Variants in CEP128 observed in about 807,000 individuals in gnomAD.
CEP128 encodes centrosomal protein 128.
CEP128 carries 132 observed loss-of-function variants against 156.7 expected under a neutral mutation model. The ratio of observed to expected loss-of-function variants is 0.84; its 90% confidence interval spans 0.73 to 0.97. CEP128 has a LOEUF of 0.97. Among genes scored for constraint, CEP128 ranks in the 50% least tolerant of loss-of-function variants. The pLI, the probability that CEP128 is intolerant of heterozygous loss-of-function variation, is 0.00. For missense variants in CEP128, 1,252 were observed against 1,281.9 expected (o/e 0.98, Z 0.36); for synonymous variants, 469 against 448.9 (o/e 1.04, Z -0.57).
intron 17 of CEP128, among the ~76,000 whole-genome samples, chr14:80,758,245 G>A (rs1899766938): frequency 6.6e-6 from 1 of 152,174 alleles, no homozygotes; most frequent in Non-Finnish European, 1.5e-5. Context: ...TAACCTGCCA[G>A]GCATGGTGGC....
At chr14:80,587,060 A>G (rs911400139) in intron 19 of CEP128, among the ~76,000 whole-genome samples, 5 of 151,992 alleles carry the variant, frequency 3.3e-5, no homozygotes, top group African/African-American at 1.2e-4. Flanking sequence ...TTTTTTTTAA[A>G]TCACCCTTAA....
chr14:80,937,871 T>C (rs547934271), intron 2 of CEP128, among the ~76,000 whole-genome samples: 1 of 151,654 alleles, frequency 6.6e-6, no homozygotes, highest in African/African-American at 2.4e-5. Flanking sequence ...AGGTCCCCCA[T>C]CCAGCTCTAA....
At chr14:80,708,125 A>G (rs1897284928) in intron 19 of CEP128, among the ~76,000 whole-genome samples, 1 of 151,974 alleles carries the variant, frequency 6.6e-6, no homozygotes, top group African/African-American at 2.4e-5. Context: ...CACGTCCCCT[A>G]TGGACATTTG....
intron 15 of CEP128, among the ~76,000 whole-genome samples, chr14:80,782,858 C>T (rs1001894211): frequency 6.6e-6 from 1 of 152,152 alleles, no homozygotes; most frequent in South Asian, 2.1e-4. Context: ...GTTTCCAAGA[C>T]ATCATTCTCT....
intron 17 of CEP128, among the ~76,000 whole-genome samples, chr14:80,759,856 G>C (rs1339951652): frequency 6.6e-6 from 1 of 151,792 alleles, no homozygotes; most frequent in Non-Finnish European, 1.5e-5. Context: ...GCCTGCAATT[G>C]CCCATAACAA....
intron 13 of CEP128, among the ~76,000 whole-genome samples, chr14:80,812,880 T>C (rs1037071236): frequency 2.0e-5 from 3 of 151,966 alleles, no homozygotes; most frequent in African/African-American, 7.2e-5. Context: ...GTCTGTTTGT[T>C]TGTTTTTTTA....
intron 2 of CEP128, among the ~76,000 whole-genome samples, chr14:80,951,907 C>A (rs1886473991): frequency 6.6e-6 from 1 of 151,758 alleles, no homozygotes; most frequent in Non-Finnish European, 1.5e-5. Context: ...ATAAAGAAGG[C>A]CATTTAATAA....
chr14:80,641,703 T>C (rs1894415834), intron 19 of CEP128, among the ~76,000 whole-genome samples: 1 of 152,154 alleles, frequency 6.6e-6, no homozygotes, highest in Non-Finnish European at 1.5e-5. Flanking sequence ...TTTTTTCTCC[T>C]TACTCAAGAC....
At chr14:80,905,316 A>G (rs1179604997) in intron 5 of CEP128, among the ~76,000 whole-genome samples, 1 of 152,166 alleles carries the variant, frequency 6.6e-6, no homozygotes, top group Non-Finnish European at 1.5e-5. Context: ...TCTGAACAGC[A>G]TATAAAAATA....
intron 19 of CEP128, among the ~76,000 whole-genome samples, chr14:80,596,053 GA>G (rs55831009): frequency 0.46 from 50,495 of 108,790 alleles, 10,055 homozygotes; most frequent in African/African-American, 0.57. Context: ...TATCAGCAGG[GA>G]AAAAAAAAAA....
chr14:80,948,161 ACT>A (rs1332823311), intron 2 of CEP128, among the ~76,000 whole-genome samples: 1 of 152,152 alleles, frequency 6.6e-6, no homozygotes, highest in Non-Finnish European at 1.5e-5. Context: ...GGTGAAATTC[ACT>A]CTCTTTACAT....
intron 20 of CEP128, among the ~76,000 whole-genome samples, chr14:80,563,052 A>C (rs1890755598): frequency 1.3e-5 from 2 of 152,162 alleles, no homozygotes; most frequent in Admixed American, 6.5e-5. Context: ...ACAACAAAAT[A>C]AATTATATCT....
intron 16 of CEP128, among the ~76,000 whole-genome samples, chr14:80,764,289 G>A (rs1209595111): frequency 1.3e-5 from 2 of 151,920 alleles, no homozygotes; most frequent in Non-Finnish European, 2.9e-5. Context: ...ATGAGGTCAG[G>A]AGATCGAGAC....
At chr14:80,886,725 C>T (rs973719749) in intron 8 of CEP128, among the ~76,000 whole-genome samples, 4 of 152,102 alleles carry the variant, frequency 2.6e-5, no homozygotes, top group Non-Finnish European at 5.9e-5. Flanking sequence ...CATTAACTAA[C>T]GGGCAAAATA....
At position 80,934,312 on chromosome 14, in the gene CEP128, T is replaced by C. The variant is rs1239981362; in HGVS notation, c.-16+5073A>G. On this transcript the variant is annotated intron_variant, in intron 2 of 24. Transcript: ENST00000555265. ...TGTCTAAGAACTCAAAGACCATCCTTTGGCAAAAGTTTATTGAGCAGACCT... is the reference window on the plus strand; with the variant it reads ...TGTCTAAGAACTCAAAGACCATCCTCTGGCAAAAGTTTATTGAGCAGACCT... Among the ~76,000 whole-genome samples, 3 of 152,182 alleles carry C rather than the reference T, an allele frequency of 2.0e-5. No individual in the cohort carries two copies. The East Asian group carries it at 5.8e-4, about 29-fold the overall frequency.
chr14:80,886,147 T>A (rs1224126930), intron 8 of CEP128, among the ~76,000 whole-genome samples: 1 of 152,064 alleles, frequency 6.6e-6, no homozygotes, highest in Non-Finnish European at 1.5e-5. Flanking sequence ...ACCAAACCTA[T>A]GTTTCATTGG....
At position 80,636,981 on chromosome 14, in the gene CEP128, A is replaced by G. The variant is rs574132635; in HGVS notation, c.2807-56558T>C. On this transcript the variant is annotated intron_variant, in intron 19 of 24. Coordinates refer to ENST00000555265, the MANE Select transcript of CEP128 (RefSeq NM_152446.5). Reference sequence around the variant, plus strand: ...CATGCCTGTAATCCCAGCTACTAGGAAGGCTAAGGCAGGAGAATCGCTTGA... The same window carrying G: ...CATGCCTGTAATCCCAGCTACTAGGGAGGCTAAGGCAGGAGAATCGCTTGA... 2.0e-5 allele frequency among the ~76,000 whole-genome samples: 3 copies of G among 151,946 alleles called. 1 individual carries two copies. The highest frequency in any genetic ancestry group is 7.2e-5 in the African/African-American group (3 of 41,474).
At chr14:80,624,892 C>T (rs1893643192) in intron 19 of CEP128, among the ~76,000 whole-genome samples, 1 of 152,100 alleles carries the variant, frequency 6.6e-6, no homozygotes, top group South Asian at 2.1e-4. Flanking sequence ...TTGATTATTT[C>T]CTTTGCTATG....
At chr14:80,486,912 T>C (rs1352226801), downstream of CEP128, among the ~76,000 whole-genome samples, 2 of 152,134 alleles carry the variant, frequency 1.3e-5, no homozygotes, top group African/African-American at 2.4e-5. Context: ...TACCGGCCAC[T>C]GCAAACACAT....
Sources: gnomAD v4.1 joint callset for allele counts (sites outside exome capture counted in the v4.1 genomes callset) on GRCh38, gnomAD v4.1.1 for gene constraint, MANE v1.5 for transcripts, NCBI Gene and HGNC (gene_info 2026-07-23, HGNC 2026-07-21) for gene names.